The following MGST1 variants were observed in gnomAD, a reference collection of about 807,000 sequenced individuals.
MGST1 encodes the protein microsomal glutathione S-transferase 1, also known as glutathione S-transferase 12.
Under a neutral mutation model 8.9 loss-of-function variants are expected in MGST1, and 5 were observed. That is an observed-to-expected ratio of 0.56 (90% confidence interval 0.29 to 1.19). MGST1 has a LOEUF of 1.19. MGST1 is among the 50% of genes most tolerant of loss of function. MGST1 has a pLI of 0.08. For missense variants in MGST1, 182 were observed against 187.4 expected, an observed-to-expected ratio of 0.97 and a Z score of 0.17; for synonymous variants, 54 against 67.8, an observed-to-expected ratio of 0.80 and a Z score of 1.00.
chr12:16,401,823 T>A lies in MGST1; in HGVS notation n.778+18219T>A. ...TGCATCAACTATTTCCATGACTCTT[T>A]CCTTGAAGAATTTGTTGAAGACTTC... On this transcript the variant is annotated intron_variant and non_coding_transcript_variant, in intron 1 of 1. Coordinates refer to the MGST1 transcript ENST00000359720. This position sits in a 1 kb window ranked among gnomAD's most constrained non-coding sequence, Gnocchi z 4.3. 1 of 1,604,624 alleles carries A rather than the reference T, an allele frequency of 6.2e-7. No individual in the cohort carries two copies.
intron 4 of MGST1, among the ~76,000 whole-genome samples, chr12:16,588,813 C>T (rs887868669): frequency 2.6e-5 from 4 of 152,000 alleles, no homozygotes; most frequent in Admixed American, 1.3e-4. Context: ...ACTCTTAAAC[C>T]TCTTCTTCAA....
chr12:16,580,158 ATCTC>A (rs1189654691), intron 4 of MGST1, among the ~76,000 whole-genome samples: 6 of 152,090 alleles, frequency 3.9e-5, no homozygotes, highest in African/African-American at 1.4e-4. Flanking sequence ...TAGAGATGGG[ATCTC>A]TCTATGTTGC....
In MGST1 at chr12:16,546,749, A is replaced by G. The variant is rs1941828124; in HGVS notation, n.483-42779A>G. The stretch of plus-strand genomic sequence containing the variant: ...ATGGCATTTACCAAGATAGTTGGGA[A>G]AGTTTAGTTGGTGACTTTTTATGTC... On this transcript the variant is annotated intron_variant and non_coding_transcript_variant, in intron 4 of 4. Coordinates refer to the MGST1 transcript ENST00000538857. This position sits in a 1 kb window ranked among gnomAD's most constrained non-coding sequence, Gnocchi z 4.7. Among the ~76,000 whole-genome samples the G allele has an allele frequency of 6.6e-6, 1 of 152,086 alleles. No individual in the cohort carries two copies. The highest frequency in any genetic ancestry group is 2.1e-4 in the South Asian group (1 of 4,826).
intron 4 of MGST1, among the ~76,000 whole-genome samples, chr12:16,450,875 TGTC>T (rs1941123961): frequency 7.4e-6 from 1 of 136,048 alleles, no homozygotes; most frequent in Non-Finnish European, 1.6e-5. Flanking sequence ...TGTGTGTGTG[TGTC>T]ACACACGGAA....
intron 1 of MGST1, among the ~76,000 whole-genome samples, chr12:16,396,787 TA>T (rs1285052202): frequency 2.0e-5 from 3 of 152,022 alleles, no homozygotes; most frequent in Non-Finnish European, 4.4e-5. Context: ...AATTCATAGC[TA>T]ACACAAACAA....
At chr12:16,353,717 G>T (rs1479185806) in intron 1 of MGST1, among the ~76,000 whole-genome samples, 1 of 146,762 alleles carries the variant, frequency 6.8e-6, no homozygotes, top group African/African-American at 2.5e-5. Context: ...ATGTCTTCAA[G>T]CTAAATAATA....
chr12:16,535,652 A>G (rs1193711491), intron 4 of MGST1, among the ~76,000 whole-genome samples: 1 of 152,204 alleles, frequency 6.6e-6, no homozygotes, highest in African/African-American at 2.4e-5. Flanking sequence ...AAAGTATGAT[A>G]TTGATATATA....
At chr12:16,541,426 G>T (rs1197454473) in intron 4 of MGST1, among the ~76,000 whole-genome samples, 2 of 152,042 alleles carry the variant, frequency 1.3e-5, no homozygotes, top group Non-Finnish European at 2.9e-5. Flanking sequence ...CTTTCTTTTT[G>T]ATCTGTCTGT....
rs184486426 is a variant in MGST1 at position 16,524,973 on chromosome 12, T to C, written n.483-64555T>C. ...TTGTAATCCTATAGATGGCCACTGT[T>C]ATTGCCTTTATCTTATGGATGAGAA... On this transcript the variant is annotated intron_variant and non_coding_transcript_variant, in intron 4 of 4. Coordinates refer to the MGST1 transcript ENST00000538857. 3.3e-5 allele frequency among the ~76,000 whole-genome samples: 5 copies of C among 152,122 alleles called. No homozygotes were observed. The East Asian group carries it at 9.7e-4, about 29-fold the overall frequency.
intron 4 of MGST1, among the ~76,000 whole-genome samples, chr12:16,479,751 G>T (rs1478014490): frequency 6.6e-6 from 1 of 150,870 alleles, no homozygotes; most frequent in Non-Finnish European, 1.5e-5. Flanking sequence ...GCCTGGGCTG[G>T]TCTCAAACAC....
chr12:16,528,028 T>C (rs748669240), intron 4 of MGST1, among the ~76,000 whole-genome samples: 1 of 152,048 alleles, frequency 6.6e-6, no homozygotes, highest in Non-Finnish European at 1.5e-5. Flanking sequence ...CTGTTGATTC[T>C]AATTCCTCTA....
intron 1 of MGST1, among the ~76,000 whole-genome samples, chr12:16,406,138 C>T (rs1184764033): frequency 1.3e-5 from 2 of 152,140 alleles, no homozygotes; most frequent in East Asian, 3.9e-4. Context: ...CTGTTTGCAG[C>T]TGACGTAATT....
Position 16,560,178 on chromosome 12 carries a change from T to C in MGST1, n.483-29350T>C, listed in dbSNP as rs1942344301. Among the ~76,000 whole-genome samples the C allele has an allele frequency of 6.6e-6, 1 of 152,178 alleles. No homozygotes were observed. On this transcript the variant is annotated intron_variant and non_coding_transcript_variant, in intron 4 of 4. Transcript: ENST00000538857. This position sits in a 1 kb window ranked among gnomAD's most constrained non-coding sequence, Gnocchi z 5.0. ...TAAAAGAAGTCAGAGTTTACGGTAG[T>C]GTTTCCATTTTCTGTTACTTGCTCT...
intron 4 of MGST1, among the ~76,000 whole-genome samples, chr12:16,473,737 C>T (rs969199632): frequency 6.6e-6 from 1 of 151,994 alleles, no homozygotes; most frequent in Non-Finnish European, 1.5e-5. Context: ...CATCACTGGC[C>T]GTGTGCGACA....
intron 4 of MGST1, among the ~76,000 whole-genome samples, chr12:16,567,169 C>G (rs1451222344): frequency 6.6e-6 from 1 of 151,960 alleles, no homozygotes; most frequent in African/African-American, 2.4e-5. Flanking sequence ...GCACTCCAGC[C>G]TGGGCAATAA....
intron 1 of MGST1, among the ~76,000 whole-genome samples, chr12:16,353,179 G>A (rs765007054): frequency 3.3e-5 from 5 of 152,070 alleles, no homozygotes; most frequent in Admixed American, 1.3e-4. Flanking sequence ...GACTACAGGC[G>A]CCTGCCACCA....
At chr12:16,419,153 A>G (rs1262134616) in intron 1 of MGST1, among the ~76,000 whole-genome samples, 1 of 152,106 alleles carries the variant, frequency 6.6e-6, no homozygotes, top group Admixed American at 6.5e-5. Flanking sequence ...AGAAACCCAA[A>G]TCTGACAATC....
At chr12:16,490,664 A>G (rs952251747) in intron 4 of MGST1, among the ~76,000 whole-genome samples, 51 of 152,172 alleles carry the variant, frequency 3.4e-4, no homozygotes, top group Admixed American at 3.3e-3. Flanking sequence ...ATACAAACCT[A>G]TGAAGCTGGT....
intron 4 of MGST1, among the ~76,000 whole-genome samples, chr12:16,557,440 A>G (rs1198253684): frequency 6.6e-6 from 1 of 150,626 alleles, no homozygotes; most frequent in Non-Finnish European, 1.5e-5. Flanking sequence ...AGTTTTGTAG[A>G]TTTCTGCTAG....
Sources: allele counts gnomAD v4.1 joint callset (sites outside exome capture counted in the v4.1 genomes callset), GRCh38; gene constraint gnomAD v4.1.1; non-coding constraint Gnocchi (gnomAD v3.1); transcripts MANE v1.5; gene names NCBI Gene and HGNC (gene_info 2026-07-23, HGNC 2026-07-21).